DNMT3A: variants seen among roughly 807,000 people sequenced by gnomAD.
DNMT3A encodes DNA (cytosine-5)-methyltransferase 3A.
Under a neutral mutation model 117.6 loss-of-function variants are expected in DNMT3A, and 267 were observed. That is an observed-to-expected ratio of 2.27 (90% CI 2.05 to 2.51). The LOEUF (loss-of-function observed/expected upper bound fraction) is 2.51. Ranked by LOEUF, DNMT3A falls within the 30% of genes most tolerant of loss-of-function variation. DNMT3A has a pLI of 0.00. For missense variants in DNMT3A, 1,029 were observed against 1,260.2 expected (o/e 0.82, Z 2.78); for synonymous variants, 432 against 474.8 (o/e 0.91, Z 1.17).
intron 1 of DNMT3A, among the ~76,000 whole-genome samples, chr2:25,324,412 G>A (rs1558742629): frequency 1.3e-5 from 2 of 152,172 alleles, no homozygotes; most frequent in African/African-American, 2.4e-5. Flanking sequence ...AGAACCCTTC[G>A]CAAATGTGGC....
In DNMT3A at chr2:25,241,699, C is replaced by A; in HGVS notation, c.1945G>T (p.Val649Leu). The A allele has an allele frequency of 1.2e-6, 2 of 1,613,894 alleles. No individual in the cohort carries two copies. Among genetic ancestry groups the A allele is most frequent in the Non-Finnish European group, 1.7e-6 (2 of 1,179,898 alleles). Residue 649 changes from valine (V) to leucine (L), a missense_variant, in exon 17 of 23, where the codon GTG becomes TTG. Coordinates refer to ENST00000321117, the MANE Select transcript of DNMT3A (RefSeq NM_022552.5). ...LFDGIATGLLVLKDLGIQVDR... is the reference protein window; with the variant it reads ...LFDGIATGLLLLKDLGIQVDR... The stretch of plus-strand genomic sequence containing the variant: ...ACCTGAATGCCCAAGTCCTTCAGCA[C>A]CAGGAGCCCTGCACCAGCCAGCAGA...
At chr2:25,261,275 C>T (rs1245697284) in intron 6 of DNMT3A, among the ~76,000 whole-genome samples, 1 of 151,650 alleles carries the variant, frequency 6.6e-6, no homozygotes, top group Non-Finnish European at 1.5e-5. Flanking sequence ...CCCGTCTCCA[C>T]TAAAATTACA....
chr2:25,334,776 G>A (rs774044572), intron 1 of DNMT3A, among the ~76,000 whole-genome samples: 4 of 152,156 alleles, frequency 2.6e-5, no homozygotes, highest in African/African-American at 4.8e-5. Flanking sequence ...CAACCTTTCC[G>A]GAAAAGACAC....
At position 25,236,269 on chromosome 2, in the gene DNMT3A, C is replaced by T. The variant is rs563831564; in HGVS notation, c.2479-444G>A. ...TTAGTCAGACAGGGTTTCACCGTGT[C>T]GGCCAGGCTGGTCTCAAACTCCTGA... On this transcript the variant is annotated intron_variant, in intron 21 of 22. Transcript: ENST00000321117. This position sits in a 1 kb window ranked among gnomAD's most constrained non-coding sequence, Gnocchi z 4.5. Among the ~76,000 whole-genome samples the T allele has an allele frequency of 3.9e-5, 6 of 152,190 alleles. No homozygotes were observed. The highest frequency in any genetic ancestry group is 5.9e-5 in the Non-Finnish European group (4 of 68,008).
At chr2:25,340,712 G>T (rs1268232161) in intron 1 of DNMT3A, among the ~76,000 whole-genome samples, 1 of 152,018 alleles carries the variant, frequency 6.6e-6, no homozygotes, top group African/African-American at 2.4e-5. Context: ...CGTCTGCACC[G>T]GCCCGGCGGG....
At position 25,234,321 on chromosome 2, in the gene DNMT3A, GCGGATGACTGGCACGCTCCATGAC is replaced by G; in HGVS notation, c.2673_2696del (p.Ser892_Arg899del). ...ACTCCTTCAGCGGAGCGAAGAGGTG[GCGGATGACTGGCACGCTCCATGAC>G]CGGCCCAGCAGTCTCTGCCTCGCCA... On this transcript the variant is annotated inframe_deletion, in exon 23 of 23. Coordinates refer to ENST00000321117, the MANE Select transcript of DNMT3A (RefSeq NM_022552.5). The surrounding 1 kb of genome is among the most constrained non-coding windows in gnomAD (Gnocchi z 4.5). 1 of 1,614,096 alleles carries G rather than the reference GCGGATGACTGGCACGCTCCATGAC, an allele frequency of 6.2e-7. No individual in the cohort carries two copies.
intron 6 of DNMT3A, chr2:25,251,835 C>CA (rs2149324620): frequency 2.8e-6 from 1 of 354,538 alleles, no homozygotes; most frequent in Non-Finnish European, 5.1e-6. Context: ...GCCAGGCACC[C>CA]ATCTGCCAGC....
rs1440384828 is a variant in DNMT3A, at chr2:25,286,015, G to C, written c.178-3304C>G. Among the ~76,000 whole-genome samples, 1 of 152,226 alleles carries C rather than the reference G, an allele frequency of 6.6e-6. No homozygotes were observed. Among genetic ancestry groups the C allele is most frequent in the Non-Finnish European group, 1.5e-5 (1 of 68,036 alleles). On this transcript the variant is annotated intron_variant, in intron 3 of 22. Coordinates refer to ENST00000321117, the MANE Select transcript of DNMT3A (RefSeq NM_022552.5). The surrounding 1 kb of genome is among the most constrained non-coding windows in gnomAD (Gnocchi z 4.3). ...TAGGTCAGAGCCAGACTTTTTCATG[G>C]CTGCGTCTTCCTTTCTTCTCATCAT...
At chr2:25,276,472 C>T (rs1390571251) in intron 4 of DNMT3A, among the ~76,000 whole-genome samples, 1 of 152,228 alleles carries the variant, frequency 6.6e-6, no homozygotes, top group Non-Finnish European at 1.5e-5. Flanking sequence ...GGCCCTGATT[C>T]CAGGTCCTGG....
chr2:25,271,704 T>C lies in DNMT3A; in HGVS notation c.639+3237A>G, dbSNP rs370069402. Among the ~76,000 whole-genome samples, 122 of 152,356 alleles carry C rather than the reference T, an allele frequency of 8.0e-4. 1 individual carries two copies. Among genetic ancestry groups the C allele is most frequent in the Middle Eastern group, 6.8e-3 (2 of 294 alleles). ...ATTCATGGATTCTTTAATTACAGCA[T>C]AGGAATAAGGAATAATGTTATTAGC... On this transcript the variant is annotated intron_variant, in intron 6 of 22. Transcript: ENST00000321117.
intron 6 of DNMT3A, among the ~76,000 whole-genome samples, chr2:25,253,949 G>T (rs545405246): frequency 3.6e-4 from 55 of 152,150 alleles, no homozygotes; most frequent in African/African-American, 1.3e-3. Context: ...GCGTGCGCCA[G>T]TAATCCCAGC....
intron 6 of DNMT3A, among the ~76,000 whole-genome samples, chr2:25,253,530 G>A (rs1415837251): frequency 6.6e-6 from 1 of 152,114 alleles, no homozygotes; most frequent in Non-Finnish European, 1.5e-5. Context: ...GCTGGGGAGG[G>A]AGGAGACCCT....
At chr2:25,274,735 C>A (rs893017822) in intron 6 of DNMT3A, among the ~76,000 whole-genome samples, 1 of 152,238 alleles carries the variant, frequency 6.6e-6, no homozygotes, top group African/African-American at 2.4e-5. Context: ...GAACCGTATA[C>A]GCCCAGGGTC....
Position 25,304,188 on chromosome 2 carries a change from G to A in DNMT3A, c.73-3945C>T, listed in dbSNP as rs1201701477. Among the ~76,000 whole-genome samples the A allele has an allele frequency of 6.6e-6, 1 of 152,168 alleles. No homozygotes were observed. The highest frequency in any genetic ancestry group is 1.5e-5 in the Non-Finnish European group (1 of 68,026). ...GGGAGGGGGTGGAAATTCCAGACAC[G>A]TAGGCTTTGGAGAGGGCAGAGCCGG... On this transcript the variant is annotated intron_variant, in intron 2 of 22. Transcript: ENST00000321117. This position sits in a 1 kb window ranked among gnomAD's most constrained non-coding sequence, Gnocchi z 4.3.
chr2:25,242,403 C>T (rs961208712), intron 16 of DNMT3A, among the ~76,000 whole-genome samples: 1 of 152,160 alleles, frequency 6.6e-6, no homozygotes, highest in African/African-American at 2.4e-5. Context: ...GAGAGGGTCT[C>T]GGGAGAAACA....
Position 25,244,356 on chromosome 2 carries a change from G to T in DNMT3A, c.1668-18C>A. ...AAAAGCACCTGGAAGGAGACCCAGT[G>T]AGCAGAGGAGACTCTCAGCCCTGGT... On this transcript the variant is annotated intron_variant, in intron 14 of 22. Coordinates refer to ENST00000321117, the MANE Select transcript of DNMT3A (RefSeq NM_022552.5). The T allele has an allele frequency of 6.3e-7, 1 of 1,589,660 alleles. No homozygotes were observed. The highest frequency in any genetic ancestry group is 1.1e-5 in the South Asian group (1 of 88,836).
chr2:25,243,542 AT>A (rs1222408069), intron 16 of DNMT3A, among the ~76,000 whole-genome samples: 1 of 152,236 alleles, frequency 6.6e-6, no homozygotes. Flanking sequence ...CTTGTGTATA[AT>A]CAAAACACAA....
At chr2:25,246,918 G>T (rs182425746) in intron 9 of DNMT3A, 133 bp downstream of exon 9, 8 of 1,472,072 alleles carry the variant, frequency 5.4e-6, no homozygotes, top group Non-Finnish European at 6.5e-6. Flanking sequence ...ATGTGCATAC[G>T]GGCGAGCGAG....
Position 25,247,574 on chromosome 2 carries a change from C to G in DNMT3A, c.1014+17G>C, listed in dbSNP as rs1430688864. ...ACCTTCCCCCACCCCAGGCTACTGC[C>G]AAACCCCACAACTTACCACTGAGAA... On this transcript the variant is annotated intron_variant, in intron 8 of 22. Coordinates refer to ENST00000321117, the MANE Select transcript of DNMT3A (RefSeq NM_022552.5). This position sits in a 1 kb window ranked among gnomAD's most constrained non-coding sequence, Gnocchi z 5.6. The G allele has an allele frequency of 1.9e-6, 3 of 1,612,234 alleles. No individual in the cohort carries two copies. Among genetic ancestry groups the G allele is most frequent in the Non-Finnish European group, 2.5e-6 (3 of 1,178,820 alleles).
Sources: gnomAD v4.1 joint callset for allele counts (sites outside exome capture counted in the v4.1 genomes callset) on GRCh38, gnomAD v4.1.1 for gene constraint, Gnocchi (gnomAD v3.1) non-coding constraint, MANE v1.5 for transcripts, NCBI Gene and HGNC (gene_info 2026-07-23, HGNC 2026-07-21) for gene names.